C9: variants seen among roughly 807,000 people sequenced by gnomAD.
The protein encoded by C9 is complement C9.
In C9, 63 loss-of-function variants were observed where a neutral mutation model predicts 65.4. The ratio of observed to expected loss-of-function variants is 0.96; its 90% CI spans 0.79 to 1.19. The LOEUF (loss-of-function observed/expected upper bound fraction) is 1.19, where lower values mean the gene tolerates loss of function less well. Among genes scored for constraint, C9 ranks in the 50% most tolerant of loss-of-function variants. C9 has a pLI of 0.00. For synonymous variants in C9, 229 were observed against 227.9 expected, an observed-to-expected ratio of 1.00 and a Z score of -0.04; for missense variants, 744 against 670.1, an observed-to-expected ratio of 1.11 and a Z score of -1.22.
At chr5:39,343,197 G>A (rs778691057) in intron 1 of C9, among the ~76,000 whole-genome samples, 14 of 152,178 alleles carry the variant, frequency 9.2e-5, no homozygotes, top group Non-Finnish European at 1.9e-4. Context: ...AGTGGGTGCA[G>A]CCCACTGAGT....
At chr5:39,338,179 T>G (rs1754005906) in intron 4 of C9, among the ~76,000 whole-genome samples, 1 of 152,210 alleles carries the variant, frequency 6.6e-6, no homozygotes, top group Admixed American at 6.5e-5. Context: ...ATTCCTTAAT[T>G]CAAATATTTG....
intron 1 of C9, among the ~76,000 whole-genome samples, chr5:39,357,165 G>A (rs1280321079): frequency 6.6e-6 from 1 of 152,122 alleles, no homozygotes; most frequent in Non-Finnish European, 1.5e-5. Flanking sequence ...TCAAATTCCA[G>A]GATACTTTGT....
At chr5:39,302,893 A>G (rs1561335362) in intron 9 of C9, among the ~76,000 whole-genome samples, 1 of 152,192 alleles carries the variant, frequency 6.6e-6, no homozygotes, top group Non-Finnish European at 1.5e-5. Context: ...TTCCCAAGAG[A>G]AACAAAATGA....
At chr5:39,339,784 C>T (rs1230327126) in intron 4 of C9, among the ~76,000 whole-genome samples, 1 of 150,262 alleles carries the variant, frequency 6.7e-6, no homozygotes, top group Non-Finnish European at 1.5e-5. Context: ...CTCAGCCTCC[C>T]AAGTAGCTGG....
At chr5:39,342,838 C>A (rs1354954746) in intron 1 of C9, among the ~76,000 whole-genome samples, 1 of 152,100 alleles carries the variant, frequency 6.6e-6, no homozygotes, top group Non-Finnish European at 1.5e-5. Flanking sequence ...CCCCTAGGCC[C>A]ACTGCTCAGC....
chr5:39,351,422 C>T (rs949339330), intron 1 of C9, among the ~76,000 whole-genome samples: 5 of 152,200 alleles, frequency 3.3e-5, no homozygotes, highest in African/African-American at 1.2e-4. Flanking sequence ...TTTCTCTTTT[C>T]TACCTTATGG....
At chr5:39,305,545 C>T (rs539895137) in intron 9 of C9, among the ~76,000 whole-genome samples, 4 of 151,738 alleles carry the variant, frequency 2.6e-5, no homozygotes, top group East Asian at 3.9e-4. Context: ...GTAAAACATA[C>T]GGCGAAAATT....
chr5:39,306,415 G>A (rs1753378413), intron 9 of C9, among the ~76,000 whole-genome samples: 1 of 152,126 alleles, frequency 6.6e-6, no homozygotes, highest in South Asian at 2.1e-4. Flanking sequence ...CATAGTGAGA[G>A]ACAGAGACAG....
intron 7 of C9, among the ~76,000 whole-genome samples, chr5:39,310,378 G>A (rs1358127159): frequency 1.3e-5 from 2 of 152,104 alleles, no homozygotes; most frequent in African/African-American, 2.4e-5. Context: ...ATTATAACTA[G>A]CCATAATTAC....
At chr5:39,345,418 G>C (rs1754172168) in intron 1 of C9, among the ~76,000 whole-genome samples, 1 of 152,124 alleles carries the variant, frequency 6.6e-6, no homozygotes, top group Admixed American at 6.6e-5. Context: ...GATCAAAAGA[G>C]ACAAAGAAGG....
chr5:39,340,123 A>G (rs1013896488), intron 4 of C9, among the ~76,000 whole-genome samples: 1 of 152,134 alleles, frequency 6.6e-6, no homozygotes, highest in Non-Finnish European at 1.5e-5. Flanking sequence ...CATGATGCCA[A>G]TTGACAATAT....
intron 1 of C9, among the ~76,000 whole-genome samples, chr5:39,347,392 A>T (rs1238408459): frequency 6.6e-6 from 1 of 152,190 alleles, no homozygotes; most frequent in Admixed American, 6.5e-5. Flanking sequence ...ACAAACAGAG[A>T]GCCAAATCAT....
rs142930497 is a variant in C9 at position 39,344,398 on chromosome 5, G to A, written c.78-2202C>T. Among the ~76,000 whole-genome samples, 1,305 of 152,282 alleles carry A rather than the reference G, an allele frequency of 8.6e-3. 40 individuals carry two copies. Among genetic ancestry groups the A allele is most frequent in the Admixed American group, 0.048 (729 of 15,292 alleles). ...ATGCACAAGCTTCAGTAGCTGATTCGATCAACTGGAAGAAAGGGTATCAGT... is the reference window on the plus strand; with the variant it reads ...ATGCACAAGCTTCAGTAGCTGATTCAATCAACTGGAAGAAAGGGTATCAGT... On this transcript the variant is annotated intron_variant, in intron 1 of 10. Transcript: ENST00000263408.
intron 1 of C9, among the ~76,000 whole-genome samples, chr5:39,344,318 A>C (rs1754147456): frequency 6.6e-6 from 1 of 152,258 alleles, no homozygotes; most frequent in South Asian, 2.1e-4. Flanking sequence ...ACTGTAGAGA[A>C]GTCCTTAAAT....
rs563218398 is a variant in C9, at chr5:39,342,198, T to G, written c.78-2A>C. ...CTTTCTGTTAGCTCTGGGTCATAAC[T>G]AAGATAACAGAACATCCCAGTTTAT... On this transcript the variant is annotated splice_acceptor_variant, in intron 1 of 10. Transcript: ENST00000263408. LOFTEE classifies it high-confidence loss of function. The G allele has an allele frequency of 6.6e-7, 1 of 1,509,996 alleles. No homozygotes were observed. Among genetic ancestry groups the G allele is most frequent in the East Asian group, 2.3e-5 (1 of 44,418 alleles). 93.5% of individuals were successfully genotyped at this position (1,509,996 alleles called of 1,614,324 possible).
intron 1 of C9, among the ~76,000 whole-genome samples, chr5:39,346,372 A>T (rs1273255885): frequency 1.3e-5 from 2 of 152,228 alleles, no homozygotes; most frequent in African/African-American, 2.4e-5. Context: ...ACAAACTACC[A>T]TCAGAGAATA....
chr5:39,331,930 TG>T, intron 4 of C9, 116 bp from the exon 5 acceptor site: 1 of 875,916 alleles, frequency 1.1e-6, no homozygotes. Flanking sequence ...ACCCAATATG[TG>T]TGTGCTATAA....
At chr5:39,327,468 T>A (rs1235019594) in intron 5 of C9, among the ~76,000 whole-genome samples, 1 of 152,156 alleles carries the variant, frequency 6.6e-6, no homozygotes, top group Non-Finnish European at 1.5e-5. Context: ...GATTGGATAT[T>A]GTGGGTTTTG....
intron 1 of C9, among the ~76,000 whole-genome samples, chr5:39,361,633 T>C (rs1425008854): frequency 6.6e-6 from 1 of 152,158 alleles, no homozygotes; most frequent in Non-Finnish European, 1.5e-5. Context: ...AGCCAGTAAA[T>C]TGTGGAGCTG....
Sources: allele counts gnomAD v4.1 joint callset (sites outside exome capture counted in the v4.1 genomes callset), GRCh38; gene constraint gnomAD v4.1.1; transcripts MANE v1.5; gene names NCBI Gene and HGNC (gene_info 2026-07-23, HGNC 2026-07-21).